The following MCTP1 variants were observed in gnomAD, a reference collection of about 807,000 sequenced individuals.
MCTP1 encodes multiple C2 and transmembrane domain containing 1.
MCTP1 carries 69 observed loss-of-function variants against 120.6 expected under a neutral mutation model. The observed-to-expected ratio is 0.57, with a 90% CI of 0.47 to 0.70. The LOEUF (loss-of-function observed/expected upper bound fraction) is 0.70. Ranked by LOEUF, MCTP1 falls within the 30% of genes least tolerant of loss-of-function variation. The pLI is 0.00. For missense variants in MCTP1, 1,203 were observed against 1,248.8 expected, an observed-to-expected ratio of 0.96 and a Z score of 0.55; for synonymous variants, 529 against 493.1, an observed-to-expected ratio of 1.07 and a Z score of -0.96.
intron 1 of MCTP1, among the ~76,000 whole-genome samples, chr5:95,205,969 A>T (rs2152559888): frequency 6.6e-6 from 1 of 152,324 alleles, no homozygotes; most frequent in East Asian, 1.9e-4. Flanking sequence ...TTTGGAAAAT[A>T]GTCTGGAAGT....
intron 1 of MCTP1, among the ~76,000 whole-genome samples, chr5:95,207,140 C>G (rs1036801028): frequency 4.6e-5 from 7 of 152,098 alleles, no homozygotes; most frequent in African/African-American, 9.7e-5. Flanking sequence ...TAAATATTGA[C>G]TATCCTGGCA....
chr5:94,781,073 T>A (rs146570123), intron 18 of MCTP1, among the ~76,000 whole-genome samples: 95 of 152,258 alleles, frequency 6.2e-4, no homozygotes, highest in African/African-American at 2.1e-3. Flanking sequence ...TGTAAGATTT[T>A]CTGAAATGAT....
At chr5:95,252,148 G>A (rs956012852) in intron 1 of MCTP1, among the ~76,000 whole-genome samples, 2 of 152,076 alleles carry the variant, frequency 1.3e-5, no homozygotes, top group African/African-American at 4.8e-5. Flanking sequence ...CTCAAGGAAG[G>A]GGACTTGACA....
chr5:95,209,726 C>T (rs1352283415), intron 1 of MCTP1, among the ~76,000 whole-genome samples: 1 of 152,124 alleles, frequency 6.6e-6, no homozygotes, highest in African/African-American at 2.4e-5. Context: ...CCACACCGGT[C>T]CCAATTATCT....
chr5:95,074,783 C>A (rs369416322), intron 1 of MCTP1, among the ~76,000 whole-genome samples: 1 of 152,072 alleles, frequency 6.6e-6, no homozygotes, highest in Non-Finnish European at 1.5e-5. Flanking sequence ...TGTTTCGTGG[C>A]CACAAGGAAA....
chr5:94,928,101 A>G (rs1238546859), intron 6 of MCTP1, among the ~76,000 whole-genome samples: 1 of 152,100 alleles, frequency 6.6e-6, no homozygotes, highest in African/African-American at 2.4e-5. Context: ...GTATGTTTTT[A>G]TATCATCACG....
chr5:95,066,769 A>G (rs990177109), intron 1 of MCTP1, among the ~76,000 whole-genome samples: 1 of 152,186 alleles, frequency 6.6e-6, no homozygotes, highest in Non-Finnish European at 1.5e-5. Context: ...GCATGATCTC[A>G]CTTATGTGTG....
chr5:95,154,636 A>T (rs1342106083), intron 1 of MCTP1, among the ~76,000 whole-genome samples: 1 of 152,220 alleles, frequency 6.6e-6, no homozygotes, highest in Non-Finnish European at 1.5e-5. Flanking sequence ...TAATTATGGC[A>T]AACAAGTTCT....
At chr5:95,267,193 T>C (rs1442755648) in intron 1 of MCTP1, among the ~76,000 whole-genome samples, 4 of 152,214 alleles carry the variant, frequency 2.6e-5, no homozygotes, top group African/African-American at 9.6e-5. Flanking sequence ...CATGATTATG[T>C]TAACAAACAA....
chr5:95,003,634 A>G (rs1378233570), intron 2 of MCTP1, among the ~76,000 whole-genome samples: 1 of 152,230 alleles, frequency 6.6e-6, no homozygotes, highest in Non-Finnish European at 1.5e-5. Flanking sequence ...AAGAGAATAC[A>G]GTAGGTCCTC....
intron 2 of MCTP1, among the ~76,000 whole-genome samples, chr5:94,999,188 A>C (rs2153632092): frequency 6.6e-6 from 1 of 152,332 alleles, no homozygotes; most frequent in South Asian, 2.1e-4. Flanking sequence ...AAAATACATA[A>C]AAATCCAGGA....
chr5:94,757,565 TATG>T (rs1413183763), intron 19 of MCTP1, among the ~76,000 whole-genome samples: 1 of 152,164 alleles, frequency 6.6e-6, no homozygotes, highest in Non-Finnish European at 1.5e-5. Flanking sequence ...AATCTGAGGT[TATG>T]ATGGGACAAT....
At chr5:95,197,269 G>C (rs1750499121) in intron 1 of MCTP1, among the ~76,000 whole-genome samples, 3 of 152,152 alleles carry the variant, frequency 2.0e-5, no homozygotes, top group African/African-American at 7.2e-5. Flanking sequence ...ATACTGATAA[G>C]ATTATATCTG....
intron 17 of MCTP1, among the ~76,000 whole-genome samples, chr5:94,837,624 A>C (rs1263803431): frequency 1.3e-5 from 2 of 152,222 alleles, no homozygotes; most frequent in African/African-American, 4.8e-5. Flanking sequence ...AGCCCAACTT[A>C]GGTTAAAAGA....
At chr5:95,200,544 GCAA>G (rs1445470752) in intron 1 of MCTP1, among the ~76,000 whole-genome samples, 22 of 152,290 alleles carry the variant, frequency 1.4e-4, no homozygotes, top group African/African-American at 4.8e-4. Context: ...TGTGTTATTT[GCAA>G]CAACATAGAT....
chr5:95,089,815 T>C (rs1355838461), intron 1 of MCTP1, among the ~76,000 whole-genome samples: 1 of 152,076 alleles, frequency 6.6e-6, no homozygotes, highest in African/African-American at 2.4e-5. Context: ...CCATGAAAAA[T>C]AATACCTATA....
intron 1 of MCTP1, among the ~76,000 whole-genome samples, chr5:95,248,773 T>C (rs1757078616): frequency 6.6e-6 from 1 of 152,226 alleles, no homozygotes; most frequent in Non-Finnish European, 1.5e-5. Flanking sequence ...CAAACTATAC[T>C]ACAAGGCTAC....
intron 3 of MCTP1, among the ~76,000 whole-genome samples, chr5:94,947,003 G>A (rs915394903): frequency 5.3e-5 from 8 of 152,282 alleles, no homozygotes; most frequent in South Asian, 2.1e-4. Flanking sequence ...GAACAGCCTC[G>A]TTTATTTCTT....
rs1296264018 is a variant in MCTP1 at position 95,061,417 on chromosome 5, T to G, written c.721-43933A>C. Among the ~76,000 whole-genome samples, 68 of 16,080 alleles carry G rather than the reference T, an allele frequency of 4.2e-3. 12 individuals are homozygous for G. The highest frequency in any genetic ancestry group is 0.011 in the South Asian group (4 of 350). The allele number at this position is 16,080 out of a possible 152,430, so 10.5% of individuals were successfully genotyped here. On this transcript the variant is annotated intron_variant, in intron 1 of 22. Transcript: ENST00000515393. ...CACAAACCCCTTAAGGGTTTTTTTTTTTTTTTTTTTTTTTTTTTTTTTTTT... is the reference window on the plus strand; with the variant it reads ...CACAAACCCCTTAAGGGTTTTTTTTGTTTTTTTTTTTTTTTTTTTTTTTTT...
Sources: allele counts gnomAD v4.1 joint callset (sites outside exome capture counted in the v4.1 genomes callset), GRCh38; gene constraint gnomAD v4.1.1; transcripts MANE v1.5; gene names NCBI Gene and HGNC (gene_info 2026-07-23, HGNC 2026-07-21).